NAALADL2: variants seen among roughly 807,000 people sequenced by gnomAD.
NAALADL2 encodes inactive N-acetylated-alpha-linked acidic dipeptidase-like protein 2.
In NAALADL2, 76 loss-of-function variants were observed where a neutral mutation model predicts 87.2. The ratio of observed to expected loss-of-function variants is 0.87; its 90% CI spans 0.72 to 1.05. The LOEUF is 1.05. Ranked by LOEUF, NAALADL2 falls within the 50% of genes least tolerant of loss-of-function variation. NAALADL2 has a pLI of 0.00. For synonymous variants in NAALADL2, 354 were observed against 331.0 expected, an observed-to-expected ratio of 1.07 and a Z score of -0.75; for missense variants, 1,089 against 945.8, an observed-to-expected ratio of 1.15 and a Z score of -1.99.
At chr3:175,734,244 A>G (rs544593455) in intron 11 of NAALADL2, among the ~76,000 whole-genome samples, 1 of 152,250 alleles carries the variant, frequency 6.6e-6, no homozygotes, top group Non-Finnish European at 1.5e-5. Context: ...AGGCGTTTCC[A>G]TACACCTTAT....
intron 2 of NAALADL2, among the ~76,000 whole-genome samples, chr3:175,128,006 G>A (rs1263907222): frequency 6.6e-6 from 1 of 152,032 alleles, no homozygotes; most frequent in Non-Finnish European, 1.5e-5. Context: ...TTACTGCTCA[G>A]TATATTTGCA....
At chr3:175,119,738 T>C (rs1163272836) in intron 2 of NAALADL2, among the ~76,000 whole-genome samples, 1 of 125,218 alleles carries the variant, frequency 8.0e-6, no homozygotes, top group Non-Finnish European at 1.7e-5. Context: ...AGAATAGATA[T>C]ATACTTATAT....
intron 11 of NAALADL2, among the ~76,000 whole-genome samples, chr3:175,683,867 T>C (rs1369663587): frequency 6.6e-6 from 1 of 152,006 alleles, no homozygotes; most frequent in African/African-American, 2.4e-5. Flanking sequence ...ACGGAAATAA[T>C]GTAAAGTATA....
intron 2 of NAALADL2, among the ~76,000 whole-genome samples, chr3:174,725,089 C>T (rs1394439753): frequency 6.6e-6 from 1 of 152,056 alleles, no homozygotes; most frequent in Non-Finnish European, 1.5e-5. Flanking sequence ...GTTTCCTCAC[C>T]CCCCAAAGGA....
chr3:174,774,884 C>T (rs1254728599), intron 3 of NAALADL2, among the ~76,000 whole-genome samples: 1 of 152,130 alleles, frequency 6.6e-6, no homozygotes, highest in Admixed American at 6.6e-5. Flanking sequence ...CTTATGATTA[C>T]ACTTTATCTG....
chr3:174,945,411 A>G (rs960242854), intron 1 of NAALADL2, among the ~76,000 whole-genome samples: 7 of 152,126 alleles, frequency 4.6e-5, no homozygotes, highest in Admixed American at 3.3e-4. Context: ...TGCATTGCCT[A>G]TTATCTGAGA....
chr3:174,949,653 A>G, intron 1 of NAALADL2, among the ~76,000 whole-genome samples: 1 of 152,310 alleles, frequency 6.6e-6, no homozygotes, highest in African/African-American at 2.4e-5. Context: ...ACACCATTGC[A>G]CTATGCCCTT....
chr3:174,615,001 A>G (rs147968611), intron 2 of NAALADL2, among the ~76,000 whole-genome samples: 3 of 152,276 alleles, frequency 2.0e-5, no homozygotes, highest in African/African-American at 7.2e-5. Context: ...GTAATTTTGA[A>G]ATAATTTAGT....
At chr3:175,070,068 C>G (rs373365411) in intron 1 of NAALADL2, among the ~76,000 whole-genome samples, 2 of 147,916 alleles carry the variant, frequency 1.4e-5, no homozygotes, top group African/African-American at 2.5e-5. Flanking sequence ...TGCTAAATGA[C>G]GAGTTAATGG....
At chr3:175,570,609 G>A (rs774165592) in intron 9 of NAALADL2, among the ~76,000 whole-genome samples, 3 of 152,074 alleles carry the variant, frequency 2.0e-5, no homozygotes, top group Non-Finnish European at 4.4e-5. Context: ...GGCTGGGCGA[G>A]GTGGCTTACA....
intron 1 of NAALADL2, among the ~76,000 whole-genome samples, chr3:175,083,716 G>A (rs535451274): frequency 3.0e-4 from 46 of 152,126 alleles, no homozygotes; most frequent in Non-Finnish European, 5.9e-4. Context: ...TTAATTTTCA[G>A]AAGTATGTAG....
intron 9 of NAALADL2, among the ~76,000 whole-genome samples, chr3:175,501,587 C>CAGGT (rs1729554908): frequency 1.3e-5 from 2 of 152,034 alleles, no homozygotes; most frequent in Admixed American, 1.3e-4. Flanking sequence ...AGATAACAAA[C>CAGGT]AGGTAATCAC....
At position 175,535,364 on chromosome 3, in the gene NAALADL2, C is replaced by T. The variant is rs191641597; in HGVS notation, c.1654-40677C>T. Among the ~76,000 whole-genome samples the T allele has an allele frequency of 2.0e-3, 304 of 152,274 alleles. 1 individual carries two copies. Among genetic ancestry groups the T allele is most frequent in the African/African-American group, 6.9e-3 (287 of 41,548 alleles). ...AGCCATGTCTCAGTTCTTTGTATTG[C>T]TTCATGTTCTGTCCTTTCAGCTTAA... On this transcript the variant is annotated intron_variant, in intron 9 of 13. Transcript: ENST00000454872.
chr3:175,539,213 C>T (rs966586439), intron 9 of NAALADL2, among the ~76,000 whole-genome samples: 2 of 152,110 alleles, frequency 1.3e-5, no homozygotes, highest in Non-Finnish European at 2.9e-5. Context: ...CTAGCATTAC[C>T]AACTGGTAAT....
chr3:174,992,482 T>G (rs1746872349), intron 1 of NAALADL2, among the ~76,000 whole-genome samples: 1 of 152,126 alleles, frequency 6.6e-6, no homozygotes, highest in Non-Finnish European at 1.5e-5. Context: ...ATGTTCTTTT[T>G]GTGCATTTTT....
chr3:175,224,254 GC>G (rs1342182852), intron 2 of NAALADL2, among the ~76,000 whole-genome samples: 1 of 152,046 alleles, frequency 6.6e-6, no homozygotes, highest in Non-Finnish European at 1.5e-5. Context: ...AGGCAGTTTG[GC>G]CCTGTTTCCA....
intron 1 of NAALADL2, among the ~76,000 whole-genome samples, chr3:175,013,301 ATTT>A (rs753716843): frequency 1.1e-4 from 8 of 72,074 alleles, no homozygotes; most frequent in African/African-American, 4.7e-4. Context: ...ATATATATAT[ATTT>A]TTTTTTTTTT....
chr3:174,882,698 T>C (rs1348916489), intron 1 of NAALADL2, among the ~76,000 whole-genome samples: 2 of 148,258 alleles, frequency 1.3e-5, no homozygotes, highest in African/African-American at 4.9e-5. Flanking sequence ...TCCGTGTATA[T>C]ACATGTGTAT....
At chr3:174,855,822 G>A, upstream of NAALADL2, among the ~76,000 whole-genome samples, 1 of 123,774 alleles carries the variant, frequency 8.1e-6, no homozygotes, top group African/African-American at 3.6e-5. Context: ...ACACACACAT[G>A]TATATGTCTC....
Sources: allele counts gnomAD v4.1 joint callset (sites outside exome capture counted in the v4.1 genomes callset), GRCh38; gene constraint gnomAD v4.1.1; transcripts MANE v1.5; gene names NCBI Gene and HGNC (gene_info 2026-07-23, HGNC 2026-07-21).